Variants in SHOX observed in about 807,000 individuals in gnomAD.
SHOX encodes SHOX homeobox, also known as short stature homeobox protein.
A neutral mutation model predicts 29.6 loss-of-function variants in SHOX; 12 were observed. That is an observed-to-expected ratio of 0.41 (90% CI 0.26 to 0.66). The LOEUF is 0.66. Ranked by LOEUF, SHOX falls within the 30% of genes least tolerant of loss-of-function variation. SHOX has a pLI of 0.35. For missense variants in SHOX, 499 were observed against 437.7 expected (o/e 1.14, Z -1.25); for synonymous variants, 214 against 200.6 (o/e 1.07, Z -0.57).
Position 642,622 on chromosome X carries a change from C to T in SHOX, c.633+1535C>T, listed in dbSNP as rs886867307. Among the ~76,000 whole-genome samples the T allele has an allele frequency of 2.6e-4, 40 of 152,314 alleles. 1 individual carries two copies. The highest frequency in any genetic ancestry group is 9.4e-4 in the African/African-American group (39 of 41,578). On this transcript the variant is annotated intron_variant, in intron 4 of 4. Coordinates refer to ENST00000686671, the MANE Select transcript of SHOX (RefSeq NM_000451.4). ...GGAACGAGCCTACTTCTTGTACCGTCTTTTGCCGACGGCGGGACCCAGTGA... is the reference window on the plus strand; with the variant it reads ...GGAACGAGCCTACTTCTTGTACCGTTTTTTGCCGACGGCGGGACCCAGTGA...
chrX:632,293 G>T (rs896618219), intron 1 of SHOX, among the ~76,000 whole-genome samples: 1 of 151,986 alleles, frequency 6.6e-6, no homozygotes, highest in Non-Finnish European at 1.5e-5. Context: ...GTCGTCCCGT[G>T]GTGGAAATCG....
In SHOX at chrX:650,430, G is replaced by T. The variant is rs182677481; in HGVS notation, c.*5794G>T. On this transcript the variant is annotated 3_prime_UTR_variant, in exon 5 of 5. Transcript: ENST00000686671. ...CTGCTGTCCTTGGCCACGTCAGCAC[G>T]TGGGAGCATCTGTGGATACCGCAGA... 6.5e-4 allele frequency among the ~76,000 whole-genome samples: 99 copies of T among 152,260 alleles called. 1 individual carries two copies. Among genetic ancestry groups the T allele is most frequent in the African/African-American group, 2.2e-3 (93 of 41,548 alleles).
chrX:650,120 G>C lies in SHOX; in HGVS notation c.*5484G>C, dbSNP rs988718182. On this transcript the variant is annotated 3_prime_UTR_variant, in exon 5 of 5. Coordinates refer to ENST00000686671, the MANE Select transcript of SHOX (RefSeq NM_000451.4). ...GTTGTTTCACAGGCAGTGGTGACAG[G>C]GCCCCTTGGCTGTGGCTGTCTTCTC... 2.1e-5 allele frequency: 9 copies of C among 428,008 alleles called. No homozygotes were observed. The Admixed American group carries it at 2.3e-4, about 11-fold the overall frequency. 26.5% of individuals were successfully genotyped at this position (428,008 alleles called of 1,614,324 possible). A position where few individuals can be genotyped will look rare whatever the true frequency, so the allele number is the denominator to read the frequency against.
chrX:642,304 G>A (rs1179349382), intron 4 of SHOX, among the ~76,000 whole-genome samples: 1 of 152,092 alleles, frequency 6.6e-6, no homozygotes, highest in Admixed American at 6.5e-5. Context: ...CGGGCTTGGG[G>A]GGGGGGCTCT....
At chrX:639,699 A>T (rs1270120288) in intron 2 of SHOX, among the ~76,000 whole-genome samples, 1 of 152,244 alleles carries the variant, frequency 6.6e-6, no homozygotes, top group Non-Finnish European at 1.5e-5. Flanking sequence ...GGCACGGATG[A>T]TTTAACAATT....
At position 650,329 on chromosome X, in the gene SHOX, C is replaced by G. The variant is rs756115596; in HGVS notation, c.*5693C>G. Among the ~76,000 whole-genome samples the G allele has an allele frequency of 7.2e-6, 1 of 138,268 alleles. No individual in the cohort carries two copies. Among genetic ancestry groups the G allele is most frequent in the Admixed American group, 7.8e-5 (1 of 12,774 alleles). 90.7% of individuals were successfully genotyped at this position (138,268 alleles called of 152,430 possible). A position where few individuals can be genotyped will look rare whatever the true frequency, so the allele number is the denominator to read the frequency against. ...ACGCCCTGTCGTAGGAATGGCCTCT[C>G]CATCCCGCCAAAGTCCAGCCAGGCC... On this transcript the variant is annotated 3_prime_UTR_variant, in exon 5 of 5. Coordinates refer to ENST00000686671, the MANE Select transcript of SHOX (RefSeq NM_000451.4).
At chrX:625,204 C>CT (rs1556452112) in intron 1 of SHOX, among the ~76,000 whole-genome samples, 1 of 88,942 alleles carries the variant, frequency 1.1e-5, no homozygotes, top group South Asian at 4.9e-4. Context: ...CCTCCTCCTT[C>CT]TCCTCCTCCT....
rs746548020 is a variant in SHOX at position 638,665 on chromosome X, A to C, written c.487-2156A>C. 1.5e-3 allele frequency among the ~76,000 whole-genome samples: 234 copies of C among 152,312 alleles called. 1 individual carries two copies. The highest frequency in any genetic ancestry group is 5.4e-3 in the African/African-American group (226 of 41,578). On this transcript the variant is annotated intron_variant, in intron 2 of 4. Coordinates refer to ENST00000686671, the MANE Select transcript of SHOX (RefSeq NM_000451.4). Reference sequence around the variant, plus strand: ...GGCTGGAAGCTTCCGTGTTGGGTTCAAGAGCAAGTTCACGTTGCGCTGTGT... The same window carrying C: ...GGCTGGAAGCTTCCGTGTTGGGTTCCAGAGCAAGTTCACGTTGCGCTGTGT...
In SHOX at chrX:644,498, GCTGCCCATCGCGT is replaced by G; in HGVS notation, c.743_755del (p.Leu248ArgfsTer155). On this transcript the variant is annotated frameshift_variant, in exon 5 of 5. Coordinates refer to ENST00000686671, the MANE Select transcript of SHOX (RefSeq NM_000451.4). LOFTEE classifies it high-confidence loss of function. ...TGATGTTCCCCCCGCCGCCCTTCGG[GCTGCCCATCGCGT>G]CGCTGGCCGAGTCCGCCTCGGCCGC... is the stretch of plus-strand genomic sequence containing the variant. 6.6e-7 allele frequency: 1 copy of G among 1,521,792 alleles called. No homozygotes were observed. Among genetic ancestry groups the G allele is most frequent in the Non-Finnish European group, 8.8e-7 (1 of 1,141,578 alleles). 94.3% of individuals were successfully genotyped at this position (1,521,792 alleles called of 1,614,324 possible).
downstream of SHOX, among the ~76,000 whole-genome samples, chrX:651,950 C>G (rs1461157261): frequency 6.6e-6 from 1 of 151,876 alleles, no homozygotes; most frequent in Admixed American, 6.6e-5. Flanking sequence ...GACTGAGTCT[C>G]GCTCTGTCGC....
intron 4 of SHOX, 85 bp from the exon 5 acceptor site, chrX:644,306 C>T (rs1208815093): frequency 8.4e-6 from 12 of 1,425,858 alleles, no homozygotes; most frequent in Non-Finnish European, 1.1e-5. Flanking sequence ...AGAAGAGGCA[C>T]GTTGGAGGTT....
chrX:639,916 G>A (rs1223308805), intron 2 of SHOX, among the ~76,000 whole-genome samples: 13 of 151,956 alleles, frequency 8.6e-5, no homozygotes, highest in African/African-American at 2.9e-4. Context: ...CAGGAGAATC[G>A]CTTGAACCTG....
At position 644,341 on chromosome X, in the gene SHOX, C is replaced by T. The variant is rs778125112; in HGVS notation, c.634-50C>T. Reference sequence around the variant, plus strand: ...TTCCGGGGGCGCGGGGCGGAGCAGGCCCCCCAGTCCCCATCCTGCGCCCTC... The same window carrying T: ...TTCCGGGGGCGCGGGGCGGAGCAGGTCCCCCAGTCCCCATCCTGCGCCCTC... On this transcript the variant is annotated intron_variant, in intron 4 of 4. Transcript: ENST00000686671. 7 of 1,482,006 alleles carry T rather than the reference C, an allele frequency of 4.7e-6. No homozygotes were observed. The African/African-American group carries it at 5.8e-5, about 12-fold the overall frequency. The allele number at this position is 1,482,006 out of a possible 1,614,324, so 91.8% of individuals were successfully genotyped here.
rs1261609640 is a variant in SHOX at position 646,555 on chromosome X, C to CT, written c.*1926dup. 1.3e-5 allele frequency: 2 copies of CT among 151,554 alleles called. No homozygotes were observed. Among genetic ancestry groups the CT allele is most frequent in the Admixed American group, 1.3e-4 (2 of 15,206 alleles). The allele number at this position is 151,554 out of a possible 1,614,324, so 9.4% of individuals were successfully genotyped here. A position where few individuals can be genotyped will look rare whatever the true frequency, so the allele number is the denominator to read the frequency against. Reference sequence around the variant, plus strand: ...GATAAAAGAAAAAAAAAAACAACTTCTTTTTTTCTTCCGCATAACACTTTC... The same window carrying CT: ...GATAAAAGAAAAAAAAAAACAACTTCTTTTTTTTCTTCCGCATAACACTTTC... On this transcript the variant is annotated 3_prime_UTR_variant, in exon 5 of 5. Coordinates refer to ENST00000686671, the MANE Select transcript of SHOX (RefSeq NM_000451.4).
rs886043634 is a variant in SHOX, at chrX:634,780, G to T, written c.440G>T (p.Arg147Leu). The change falls in exon 2 of 5, where the codon CGC becomes CTC. Residue 147 changes from arginine (R) to leucine (L), a missense_variant. By Grantham distance (102) the Arg-to-Leu change is moderately radical. Transcript: ENST00000686671. ...ACCCATTACCCCGACGCCTTCATGC[G>T]CGAGGAGCTCAGCCAGCGCCTGGGG... is the stretch of plus-strand genomic sequence containing the variant. ...DETHYPDAFM[R>L]EELSQRLGLS... 1 of 1,603,180 alleles carries T rather than the reference G, an allele frequency of 6.2e-7. No homozygotes were observed. The highest frequency in any genetic ancestry group is 8.5e-7 in the Non-Finnish European group (1 of 1,175,142).
Position 649,867 on chromosome X carries a change from G to C in SHOX, c.*5231G>C, listed in dbSNP as rs1310441485. 2 of 455,334 alleles carry C rather than the reference G, an allele frequency of 4.4e-6. No homozygotes were observed. Among genetic ancestry groups the C allele is most frequent in the South Asian group, 1.6e-5 (1 of 64,442 alleles). The allele number at this position is 455,334 out of a possible 1,614,324, so 28.2% of individuals were successfully genotyped here. ...TTGAGCAAAAAACACTTCTTCCTTT[G>C]AGTGGCTGTTCTGGTGAAATCTGTT... On this transcript the variant is annotated 3_prime_UTR_variant, in exon 5 of 5. Coordinates refer to ENST00000686671, the MANE Select transcript of SHOX (RefSeq NM_000451.4).
In SHOX at chrX:650,093, G is replaced by T; in HGVS notation, c.*5457G>T. On this transcript the variant is annotated 3_prime_UTR_variant, in exon 5 of 5. Coordinates refer to ENST00000686671, the MANE Select transcript of SHOX (RefSeq NM_000451.4). ...TGCACCTTCTCTGGTGGCCGTTGGG[G>T]TGTTGTTTCACAGGCAGTGGTGACA... 2.2e-6 allele frequency: 1 copy of T among 446,584 alleles called. No homozygotes were observed. The highest frequency in any genetic ancestry group is 2.4e-5 in the Admixed American group (1 of 41,900). 27.7% of individuals were successfully genotyped at this position (446,584 alleles called of 1,614,324 possible).
chrX:640,093 C>A (rs962051786), intron 2 of SHOX, among the ~76,000 whole-genome samples: 1 of 151,606 alleles, frequency 6.6e-6, no homozygotes, highest in African/African-American at 2.4e-5. Context: ...GCCTGTCATC[C>A]CAGCACTTTG....
Position 631,133 on chromosome X carries a change from A to G in SHOX, c.236A>G (p.Lys79Arg). The change falls in exon 1 of 5, where the codon AAG becomes AGG. Residue 79 changes from lysine (K) to arginine (R), a missense_variant. Lys to Arg is a conservative substitution (Grantham distance 26). Transcript: ENST00000686671. The part of the protein sequence containing the change: ...HLFKDHVDND[K>R]EKLKEFGTAR... ...TTCAAGGACCACGTAGACAATGACA[A>G]GGAGAAACTGAAAGAATTCGGCACC... 1.2e-6 allele frequency: 2 copies of G among 1,613,520 alleles called. No individual in the cohort carries two copies. The highest frequency in any genetic ancestry group is 2.2e-5 in the East Asian group (1 of 44,852).
Sources: gnomAD v4.1 joint callset for allele counts (sites outside exome capture counted in the v4.1 genomes callset) on GRCh38, gnomAD v4.1.1 for gene constraint, MANE v1.5 for transcripts, NCBI Gene and HGNC (gene_info 2026-07-23, HGNC 2026-07-21) for gene names.